ZNF283: variants seen among roughly 807,000 people sequenced by gnomAD.
ZNF283 encodes zinc finger protein 41.
A neutral mutation model predicts 9.2 loss-of-function variants in ZNF283; 10 were observed. The observed-to-expected ratio is 1.09, with a 90% CI of 0.67 to 1.85. The LOEUF (loss-of-function observed/expected upper bound fraction) is 1.85, where lower values mean the gene tolerates loss of function less well. ZNF283 is among the 40% of genes most tolerant of loss of function. The pLI is 0.00. For synonymous variants in ZNF283, 234 were observed against 244.1 expected (o/e 0.96, Z 0.38); for missense variants, 631 against 760.1 (o/e 0.83, Z 2.00).
chr19:43,835,684 C>A, intron 5 of ZNF283, 92 bp downstream of exon 5: 1 of 1,006,106 alleles, frequency 9.9e-7, no homozygotes, highest in Non-Finnish European at 1.5e-6. Context: ...AGAACTTCTC[C>A]ATAGACCCAA....
In ZNF283 at chr19:43,834,267, C is replaced by T. The variant is rs1405507933; in HGVS notation, c.122+641C>T. ...CAAAACCTCATTAATGGAAGGGGAA[C>T]AAAAAAATAAATAAAACCTCCCCTC... On this transcript the variant is annotated intron_variant, in intron 4 of 6. Transcript: ENST00000618787. Among the ~76,000 whole-genome samples the T allele has an allele frequency of 2.0e-5, 3 of 147,638 alleles. No homozygotes were observed. In the East Asian group the frequency reaches 5.9e-4, roughly 29 times the overall value.
In ZNF283 at chr19:43,849,966, T is replaced by C. The variant is rs923847634; in HGVS notation, c.*1325T>C. The C allele has an allele frequency of 1.3e-4, 20 of 152,164 alleles. No homozygotes were observed. Among genetic ancestry groups the C allele is most frequent in the African/African-American group, 4.6e-4 (19 of 41,422 alleles). The allele number at this position is 152,164 out of a possible 1,614,324, so 9.4% of individuals were successfully genotyped here. A position where few individuals can be genotyped will look rare whatever the true frequency, so the allele number is the denominator to read the frequency against. ...CAGAAAAGCTTCCCATAACCACTCA[T>C]CCATTTGAATTTCAGATAGTTCATT... On this transcript the variant is annotated 3_prime_UTR_variant, in exon 7 of 7. Coordinates refer to ENST00000618787, the MANE Select transcript of ZNF283 (RefSeq NM_181845.2).
In ZNF283 at chr19:43,848,032, T is replaced by A. The variant is rs1473965411; in HGVS notation, c.1431T>A (p.His477Gln). ...GTTGGGGTTCAAGCCTTGTTAAACA[T>A]GAGAGAGTTCATACTGGTGAGAAAT... is the stretch of plus-strand genomic sequence containing the variant. ...AFSWGSSLVKHERVHTGEKSH... is the reference protein window; with the variant it reads ...AFSWGSSLVKQERVHTGEKSH... The change falls in exon 7 of 7, where the codon CAT becomes CAA. Residue 477 changes from histidine (H) to glutamine (Q), a missense_variant. His to Gln is a conservative substitution (Grantham distance 24, BLOSUM62 0). Around this residue, in one of 3 missense-constraint regions of ZNF283, gnomAD observed 444 missense variants for 522.5 expected, o/e 0.85. Transcript: ENST00000618787. 6.2e-7 allele frequency: 1 copy of A among 1,613,182 alleles called. No homozygotes were observed. The highest frequency in any genetic ancestry group is 8.5e-7 in the Non-Finnish European group (1 of 1,179,782).
chr19:43,842,227 GT>G (rs150459321), intron 6 of ZNF283, among the ~76,000 whole-genome samples: 32 of 148,994 alleles, frequency 2.1e-4, no homozygotes, highest in Admixed American at 6.7e-4. Context: ...TGAAGTCACT[GT>G]TTTTTTTTTC....
At chr19:43,834,134 T>C (rs1160687766) in intron 4 of ZNF283, among the ~76,000 whole-genome samples, 2 of 152,220 alleles carry the variant, frequency 1.3e-5, no homozygotes, top group African/African-American at 4.8e-5. Flanking sequence ...GTGAGCCTAA[T>C]AGGATCAGGT....
At chr19:43,836,111 AT>A (rs1970967567) in intron 5 of ZNF283, among the ~76,000 whole-genome samples, 1 of 152,150 alleles carries the variant, frequency 6.6e-6, no homozygotes. Flanking sequence ...ATCTACAGAA[AT>A]TTTGTTCAGC....
intron 4 of ZNF283, 91 bp from the exon 5 acceptor site, chr19:43,835,414 A>C (rs1356198810): frequency 1.2e-6 from 1 of 808,810 alleles, no homozygotes; most frequent in Non-Finnish European, 2.1e-6. Flanking sequence ...TAGCAGAAGC[A>C]GGCATGGAGA....
intron 3 of ZNF283, among the ~76,000 whole-genome samples, chr19:43,833,029 GAAAAA>G (rs368640688): frequency 2.6e-5 from 2 of 76,474 alleles, no homozygotes; most frequent in African/African-American, 5.0e-5. Context: ...CCCTGTCTCT[GAAAAA>G]AAAAAAAAAA....
chr19:43,828,723 A>G (rs1970578868), intron 2 of ZNF283, among the ~76,000 whole-genome samples: 1 of 152,044 alleles, frequency 6.6e-6, no homozygotes, highest in African/African-American at 2.4e-5. Flanking sequence ...TAGTATAGTC[A>G]TAGCTCAGTG....
At chr19:43,831,431 T>C (rs1970705900) in intron 3 of ZNF283, 50 bp downstream of exon 3, 1 of 1,468,926 alleles carries the variant, frequency 6.8e-7, no homozygotes, top group Non-Finnish European at 9.1e-7. Context: ...TGGCCCCGTT[T>C]GTTCAGTTTT....
intron 5 of ZNF283, among the ~76,000 whole-genome samples, chr19:43,836,375 T>C (rs1354913152): frequency 6.6e-6 from 1 of 152,230 alleles, no homozygotes; most frequent in Non-Finnish European, 1.5e-5. Flanking sequence ...AGAATCTTGC[T>C]CTGTCACCCA....
rs1282533285 is a variant in ZNF283, at chr19:43,828,220, T to G, written c.-126T>G. The G allele has an allele frequency of 1.3e-5, 2 of 152,214 alleles. No individual in the cohort carries two copies. The highest frequency in any genetic ancestry group is 2.9e-5 in the Non-Finnish European group (2 of 68,044). 9.4% of individuals were successfully genotyped at this position (152,214 alleles called of 1,614,324 possible). ...CCCCCAGTGCTGCCAGGTTGCCAGA[T>G]TTCTAAGAAGGAGTTTGAAGAGGAG... On this transcript the variant is annotated 5_prime_UTR_variant, in exon 2 of 7. Coordinates refer to ENST00000618787, the MANE Select transcript of ZNF283 (RefSeq NM_181845.2).
intron 4 of ZNF283, chr19:43,833,925 A>G (rs1449898274): frequency 6.6e-6 from 1 of 152,280 alleles, no homozygotes; most frequent in African/African-American, 2.4e-5. Flanking sequence ...GAGACCAAAT[A>G]TGCCTTGGGG....
rs898272974 is a variant in ZNF283 at position 43,851,006 on chromosome 19, A to G, written c.*2365A>G. Reference sequence around the variant, plus strand: ...CACCTGACCTCTCTATTTTGTGCACATAGGGGATTCGTAATATCACTGTTC... The same window carrying G: ...CACCTGACCTCTCTATTTTGTGCACGTAGGGGATTCGTAATATCACTGTTC... On this transcript the variant is annotated 3_prime_UTR_variant, in exon 7 of 7. Transcript: ENST00000618787. 6 of 152,174 alleles carry G rather than the reference A, an allele frequency of 3.9e-5. No homozygotes were observed. The highest frequency in any genetic ancestry group is 2.9e-5 in the Non-Finnish European group (2 of 68,040). The allele number at this position is 152,174 out of a possible 1,614,324, so 9.4% of individuals were successfully genotyped here.
chr19:43,846,895 C>T lies in ZNF283; in HGVS notation c.338-44C>T, dbSNP rs186439095. 539 of 1,196,916 alleles carry T rather than the reference C, an allele frequency of 4.5e-4. 5 individuals carry two copies. In the African/African-American group the frequency reaches 7.7e-3, roughly 17 times the overall value. 74.1% of individuals were successfully genotyped at this position (1,196,916 alleles called of 1,614,324 possible). On this transcript the variant is annotated intron_variant, in intron 6 of 6. Transcript: ENST00000618787. Reference sequence around the variant, plus strand: ...TACTGTAGTTTTTTTTTTTTTTTCCCTAGTGAAGGAAATAAAATGTGTGGT... The same window carrying T: ...TACTGTAGTTTTTTTTTTTTTTTCCTTAGTGAAGGAAATAAAATGTGTGGT...
chr19:43,829,202 G>A (rs186105655), intron 2 of ZNF283, among the ~76,000 whole-genome samples: 37 of 152,230 alleles, frequency 2.4e-4, no homozygotes, highest in East Asian at 1.4e-3. Flanking sequence ...TGGCTAACAC[G>A]GTGAAACCCC....
rs1052558516 is a variant in ZNF283 at position 43,851,076 on chromosome 19, A to C, written c.*2435A>C. The C allele has an allele frequency of 6.6e-6, 1 of 152,148 alleles. No homozygotes were observed. Among genetic ancestry groups the C allele is most frequent in the African/African-American group, 2.4e-5 (1 of 41,438 alleles). 9.4% of individuals were successfully genotyped at this position (152,148 alleles called of 1,614,324 possible). ...AGTGATCATCATTCTACATGATTGC[A>C]CTTTTTCAAAGGCATAAAAAGCCAA... On this transcript the variant is annotated 3_prime_UTR_variant, in exon 7 of 7. Coordinates refer to ENST00000618787, the MANE Select transcript of ZNF283 (RefSeq NM_181845.2).
intron 2 of ZNF283, among the ~76,000 whole-genome samples, chr19:43,830,983 G>T (rs958236574): frequency 6.0e-5 from 9 of 150,900 alleles, no homozygotes; most frequent in Non-Finnish European, 1.2e-4. Context: ...TCTAGTGATG[G>T]AATGATATGC....
intron 4 of ZNF283, among the ~76,000 whole-genome samples, chr19:43,834,740 C>T (rs1018729276): frequency 9.2e-5 from 14 of 151,902 alleles, no homozygotes; most frequent in African/African-American, 2.7e-4. Context: ...GGACTACAGG[C>T]GCCTGCCACC....
Sources: gnomAD v4.1 joint callset for allele counts (sites outside exome capture counted in the v4.1 genomes callset) on GRCh38, gnomAD v4.1.1 for gene constraint, gnomAD v4.1.1 regional missense constraint, MANE v1.5 for transcripts, NCBI Gene and HGNC (gene_info 2026-07-23, HGNC 2026-07-21) for gene names.